The following FAM117A variants were observed in gnomAD, a reference collection of about 807,000 sequenced individuals.
FAM117A encodes family with sequence similarity 117 member A, also known as protein FAM117A.
A neutral mutation model predicts 44.1 loss-of-function variants in FAM117A; 21 were observed. The ratio of observed to expected loss-of-function variants is 0.48; its 90% CI spans 0.34 to 0.69. The LOEUF (loss-of-function observed/expected upper bound fraction) is 0.69, where lower values mean the gene tolerates loss of function less well. Ranked by LOEUF, FAM117A falls within the 30% of genes least tolerant of loss-of-function variation. The pLI is 0.01. For missense variants in FAM117A, 498 were observed against 589.9 expected, an observed-to-expected ratio of 0.84 and a Z score of 1.61; for synonymous variants, 220 against 238.3, an observed-to-expected ratio of 0.92 and a Z score of 0.71.
At chr17:49,779,817 C>A (rs1355725024) in intron 1 of FAM117A, among the ~76,000 whole-genome samples, 1 of 152,192 alleles carries the variant, frequency 6.6e-6, no homozygotes, top group Non-Finnish European at 1.5e-5. Context: ...TTGGACTCAG[C>A]CTTTCTAAAG....
intron 1 of FAM117A, among the ~76,000 whole-genome samples, chr17:49,734,318 C>T (rs1400425008): frequency 4.6e-5 from 7 of 151,852 alleles, no homozygotes; most frequent in Middle Eastern, 3.2e-3. Context: ...TAGGGCCGGG[C>T]GCAGTGGCTC....
chr17:49,733,182 C>A (rs1258531465), intron 1 of FAM117A, among the ~76,000 whole-genome samples: 1 of 152,220 alleles, frequency 6.6e-6, no homozygotes, highest in African/African-American at 2.4e-5. Flanking sequence ...CAAATTCATC[C>A]CCTTAACTGA....
intron 1 of FAM117A, among the ~76,000 whole-genome samples, chr17:49,738,201 T>C (rs1405453933): frequency 6.6e-6 from 1 of 152,154 alleles, no homozygotes; most frequent in Non-Finnish European, 1.5e-5. Context: ...AGGACAATAA[T>C]CATAGGTGGT....
chr17:49,785,370 GGC>G (rs2073802524), intron 1 of FAM117A, among the ~76,000 whole-genome samples: 1 of 152,158 alleles, frequency 6.6e-6, no homozygotes, highest in Non-Finnish European at 1.5e-5. Context: ...AAATTAGCCA[GGC>G]ATGGTGGTGT....
intron 7 of FAM117A, among the ~76,000 whole-genome samples, chr17:49,713,260 G>C (rs1172514607): frequency 6.6e-6 from 1 of 152,048 alleles, no homozygotes; most frequent in African/African-American, 2.4e-5. Flanking sequence ...ATGATAAAAG[G>C]TCAGGTCAGA....
chr17:49,788,911 C>T (rs2073844012), upstream of FAM117A: 3 of 1,454,372 alleles, frequency 2.1e-6, no homozygotes, highest in East Asian at 5.2e-5. Flanking sequence ...CACCGTGACG[C>T]AGTTGGCCAC....
chr17:49,764,434 C>T (rs982032799), upstream of FAM117A, among the ~76,000 whole-genome samples: 1 of 151,924 alleles, frequency 6.6e-6, no homozygotes. Context: ...GCGTCACACC[C>T]AGTCCCAGGT....
intron 1 of FAM117A, among the ~76,000 whole-genome samples, chr17:49,780,766 T>G (rs2073787336): frequency 6.6e-6 from 1 of 152,126 alleles, no homozygotes; most frequent in Non-Finnish European, 1.5e-5. Flanking sequence ...CACCACTAGA[T>G]GTAATTGGGA....
intron 3 of FAM117A, among the ~76,000 whole-genome samples, chr17:49,722,183 G>T (rs1015809243): frequency 2.0e-5 from 3 of 152,172 alleles, no homozygotes; most frequent in African/African-American, 4.8e-5. Context: ...CTCCCTCCCT[G>T]TCTTCCTCCA....
upstream of FAM117A, among the ~76,000 whole-genome samples, chr17:49,766,372 C>A (rs1567837599): frequency 1.3e-5 from 2 of 152,328 alleles, no homozygotes; most frequent in Admixed American, 1.3e-4. Flanking sequence ...TTAATTATCA[C>A]AATAGGCATG....
intron 1 of FAM117A, among the ~76,000 whole-genome samples, chr17:49,780,671 T>C (rs2073787050): frequency 6.6e-6 from 1 of 151,734 alleles, no homozygotes; most frequent in East Asian, 2.0e-4. Flanking sequence ...GCGCCCAGCC[T>C]CTCCTCACCA....
intron 1 of FAM117A, among the ~76,000 whole-genome samples, chr17:49,739,412 G>A (rs7208284): frequency 1.3e-3 from 200 of 152,288 alleles, no homozygotes; most frequent in African/African-American, 4.7e-3. Context: ...ATACAAAGCT[G>A]CTTGCAGACC....
At chr17:49,781,227 T>C (rs1214848269) in intron 1 of FAM117A, among the ~76,000 whole-genome samples, 2 of 152,146 alleles carry the variant, frequency 1.3e-5, no homozygotes, top group Admixed American at 6.5e-5. Context: ...AAATTAGTAA[T>C]GAATAGGGTT....
chr17:49,767,205 G>A (rs1175925287), upstream of FAM117A, among the ~76,000 whole-genome samples: 1 of 152,174 alleles, frequency 6.6e-6, no homozygotes, highest in Non-Finnish European at 1.5e-5. Context: ...GACTACATCT[G>A]AAGATTAATC....
upstream of FAM117A, chr17:49,764,185 C>T (rs1480612132): frequency 3.5e-6 from 2 of 577,736 alleles, no homozygotes; most frequent in East Asian, 3.4e-5. Context: ...CGGGGACCGG[C>T]CCCCTCATCC....
chr17:49,716,331 G>T lies in FAM117A; in HGVS notation c.911-16C>A. ...GGAGAGGAGGCTGTGAACAGAGCAA[G>T]GCTAAGTCTAGTGGAGATGAAGGGA... On this transcript the variant is annotated splice_polypyrimidine_tract_variant and intron_variant, in intron 6 of 7. Coordinates refer to ENST00000240364, the MANE Select transcript of FAM117A (RefSeq NM_030802.4). 1 of 1,546,762 alleles carries T rather than the reference G, an allele frequency of 6.5e-7. No homozygotes were observed.
At chr17:49,774,838 G>C (rs111850278) in intron 1 of FAM117A, among the ~76,000 whole-genome samples, 311 of 152,224 alleles carry the variant, frequency 2.0e-3, no homozygotes, top group African/African-American at 6.8e-3. Context: ...TGTGAGGTCT[G>C]ATGTTTCTTC....
chr17:49,770,761 G>A (rs1348880195), intron 1 of FAM117A, among the ~76,000 whole-genome samples: 3 of 151,938 alleles, frequency 2.0e-5, no homozygotes, highest in Non-Finnish European at 4.4e-5. Context: ...ACAATTAGCC[G>A]AGTGTGGTGG....
At position 49,786,855 on chromosome 17, in the gene FAM117A, C is replaced by T. The variant is rs988421447; in HGVS notation, c.-621+1642G>A. 2.0e-5 allele frequency among the ~76,000 whole-genome samples: 3 copies of T among 151,558 alleles called. No individual in the cohort carries two copies. In the South Asian group the frequency reaches 6.3e-4, roughly 32 times the overall value. On this transcript the variant is annotated intron_variant, in intron 1 of 7. Transcript: ENST00000513602. Reference sequence around the variant, plus strand: ...CCTTAATCCCAGCACTCTGGAAGGCCGAGACAGTAGTTCAGCTCAGTAGGT... The same window carrying T: ...CCTTAATCCCAGCACTCTGGAAGGCTGAGACAGTAGTTCAGCTCAGTAGGT...
Sources: gnomAD v4.1 joint callset for allele counts (sites outside exome capture counted in the v4.1 genomes callset) on GRCh38, gnomAD v4.1.1 for gene constraint, MANE v1.5 for transcripts, NCBI Gene and HGNC (gene_info 2026-07-23, HGNC 2026-07-21) for gene names.